Variants in ATRNL1 observed in about 807,000 individuals in gnomAD.
ATRNL1 encodes the protein attractin-like protein 1.
Under a neutral mutation model 182.7 loss-of-function variants are expected in ATRNL1, and 95 were observed. That is an observed-to-expected ratio of 0.52 (90% CI 0.44 to 0.62). The LOEUF is 0.62. Among genes scored for constraint, ATRNL1 ranks in the 20% least tolerant of loss-of-function variants. ATRNL1 has a pLI of 0.00. For synonymous variants in ATRNL1, 576 were observed against 568.3 expected (o/e 1.01, Z -0.19); for missense variants, 1,471 against 1,679.5 (o/e 0.88, Z 2.17).
intron 28 of ATRNL1, among the ~76,000 whole-genome samples, chr10:115,856,065 A>G (rs1480509736): frequency 2.6e-5 from 4 of 152,190 alleles, no homozygotes; most frequent in Non-Finnish European, 4.4e-5. Flanking sequence ...AGTTATACTC[A>G]GGACAGATAA....
chr10:115,139,327 G>T (rs1845660716), intron 5 of ATRNL1, among the ~76,000 whole-genome samples: 1 of 152,030 alleles, frequency 6.6e-6, no homozygotes. Context: ...CACTCTACTG[G>T]TACCAATTTA....
Position 115,871,469 on chromosome 10 carries a change from TTGTGTGTGTGTATATATA to T in ATRNL1, c.4018+23480_4018+23497del, listed in dbSNP as rs1286724739. Among the ~76,000 whole-genome samples the T allele has an allele frequency of 1.7e-4, 24 of 140,296 alleles. 1 individual carries two copies. Among genetic ancestry groups the T allele is most frequent in the African/African-American group, 4.2e-4 (16 of 37,778 alleles). 92.0% of individuals were successfully genotyped at this position (140,296 alleles called of 152,430 possible). On this transcript the variant is annotated intron_variant, in intron 28 of 28. Transcript: ENST00000355044. ...TCCTAGAAAGGCCTGGTCAGATTCT[TTGTGTGTGTGTATATATA>T]TATATATATATATATATGACTTTTG...
At chr10:115,129,909 A>G (rs1447099272) in intron 5 of ATRNL1, among the ~76,000 whole-genome samples, 7 of 152,210 alleles carry the variant, frequency 4.6e-5, no homozygotes, top group Non-Finnish European at 7.4e-5. Context: ...ATAGTATACT[A>G]CAAAAATAAA....
chr10:115,661,081 T>A (rs1860651552), intron 26 of ATRNL1, among the ~76,000 whole-genome samples: 1 of 152,124 alleles, frequency 6.6e-6, no homozygotes, highest in African/African-American at 2.4e-5. Context: ...AAGACTATAT[T>A]TTTTTTGTAT....
intron 26 of ATRNL1, among the ~76,000 whole-genome samples, chr10:115,622,035 C>T (rs1555023146): frequency 1.3e-5 from 2 of 152,170 alleles, no homozygotes; most frequent in African/African-American, 4.8e-5. Context: ...GCTCAGGTGA[C>T]TGCTGCACAC....
intron 19 of ATRNL1, among the ~76,000 whole-genome samples, chr10:115,349,365 T>C (rs955552144): frequency 2.8e-4 from 43 of 152,260 alleles, no homozygotes; most frequent in African/African-American, 9.9e-4. Flanking sequence ...CATCTGTCGA[T>C]GGACACCTAG....
chr10:115,328,041 C>G (rs1461504800), intron 18 of ATRNL1, among the ~76,000 whole-genome samples: 5 of 151,816 alleles, frequency 3.3e-5, no homozygotes. Flanking sequence ...ACATATGTAA[C>G]TAACCTGCAC....
intron 21 of ATRNL1, among the ~76,000 whole-genome samples, chr10:115,432,343 A>G (rs1480096055): frequency 1.3e-5 from 2 of 152,122 alleles, no homozygotes. Flanking sequence ...TCTCTAGATT[A>G]CATAGGATCC....
intron 9 of ATRNL1, among the ~76,000 whole-genome samples, chr10:115,236,857 C>T (rs1850208191): frequency 1.3e-5 from 2 of 152,112 alleles, no homozygotes; most frequent in African/African-American, 2.4e-5. Context: ...TCATTTCATA[C>T]AGAATATTTT....
chr10:115,109,216 C>T (rs1321261200), intron 1 of ATRNL1, among the ~76,000 whole-genome samples: 1 of 152,062 alleles, frequency 6.6e-6, no homozygotes, highest in African/African-American at 2.4e-5. Flanking sequence ...AAAGTGGCTT[C>T]CCTATTTTCA....
intron 24 of ATRNL1, among the ~76,000 whole-genome samples, chr10:115,476,889 A>G (rs1848553018): frequency 6.6e-6 from 1 of 151,320 alleles, no homozygotes; most frequent in African/African-American, 2.4e-5. Flanking sequence ...GTTTATTTAT[A>G]TTTATTGCTT....
intron 19 of ATRNL1, among the ~76,000 whole-genome samples, chr10:115,350,720 CT>C (rs1353948228): frequency 6.6e-6 from 1 of 152,000 alleles, no homozygotes; most frequent in Non-Finnish European, 1.5e-5. Flanking sequence ...TAGCTTTGTT[CT>C]TTTTGGTCAA....
At chr10:115,304,851 A>G (rs1853648583) in intron 17 of ATRNL1, among the ~76,000 whole-genome samples, 1 of 152,156 alleles carries the variant, frequency 6.6e-6, no homozygotes, top group Admixed American at 6.5e-5. Context: ...CCCAGTTTCT[A>G]ATGGCTTGCA....
At chr10:115,288,842 A>T (rs1852757574) in intron 15 of ATRNL1, among the ~76,000 whole-genome samples, 1 of 151,950 alleles carries the variant, frequency 6.6e-6, no homozygotes, top group Non-Finnish European at 1.5e-5. Context: ...CTTTTGGGAG[A>T]TGTCTGTTCA....
chr10:115,639,254 A>G (rs1332448274), intron 26 of ATRNL1, among the ~76,000 whole-genome samples: 1 of 152,208 alleles, frequency 6.6e-6, no homozygotes, highest in Non-Finnish European at 1.5e-5. Flanking sequence ...CAAGTGCTAT[A>G]AGAAAAGAAC....
At chr10:115,368,305 C>A (rs572441684) in intron 19 of ATRNL1, among the ~76,000 whole-genome samples, 9 of 152,332 alleles carry the variant, frequency 5.9e-5, no homozygotes, top group African/African-American at 1.9e-4. Context: ...CGTCCGTCAC[C>A]CCTTTCTTTG....
chr10:115,505,979 C>T (rs782041167), intron 24 of ATRNL1, among the ~76,000 whole-genome samples: 7 of 151,694 alleles, frequency 4.6e-5, no homozygotes, highest in Non-Finnish European at 1.0e-4. Context: ...GAAGGCAGAA[C>T]CTTAGCTGTT....
Position 115,214,978 on chromosome 10 carries a change from A to G in ATRNL1, c.1349-719A>G, listed in dbSNP as rs532072273. ...GCTGGAGCCTATGATCACATTTGCCACTGAGCAACTAAACATACCAGTTTT... is the reference window on the plus strand; with the variant it reads ...GCTGGAGCCTATGATCACATTTGCCGCTGAGCAACTAAACATACCAGTTTT... On this transcript the variant is annotated intron_variant, in intron 8 of 28. Coordinates refer to ENST00000355044, the MANE Select transcript of ATRNL1 (RefSeq NM_207303.4). 5.9e-5 allele frequency among the ~76,000 whole-genome samples: 9 copies of G among 152,322 alleles called. No individual in the cohort carries two copies. The East Asian group carries it at 9.7e-4, about 16-fold the overall frequency.
At chr10:115,502,752 T>G (rs1344417595) in intron 24 of ATRNL1, among the ~76,000 whole-genome samples, 2 of 152,112 alleles carry the variant, frequency 1.3e-5, no homozygotes, top group African/African-American at 4.8e-5. Flanking sequence ...GATTTTATCT[T>G]TAAAAATGGC....
Sources: gnomAD v4.1 joint callset for allele counts (sites outside exome capture counted in the v4.1 genomes callset) on GRCh38, gnomAD v4.1.1 for gene constraint, MANE v1.5 for transcripts, NCBI Gene and HGNC (gene_info 2026-07-23, HGNC 2026-07-21) for gene names.